The following APH1B variants were observed in gnomAD, a reference collection of about 807,000 sequenced individuals.
APH1B encodes the protein aph-1B gamma-secretase subunit.
APH1B carries 27 observed loss-of-function variants against 28.2 expected under a neutral mutation model. That is an observed-to-expected ratio of 0.96 (90% CI 0.70 to 1.32). The LOEUF (loss-of-function observed/expected upper bound fraction) is 1.32. APH1B is among the 40% of genes most tolerant of loss of function. The pLI, the probability that APH1B is intolerant of heterozygous loss-of-function variation, is 0.00. For synonymous variants in APH1B, 141 were observed against 124.6 expected (o/e 1.13, Z -0.88); for missense variants, 305 against 313.6 (o/e 0.97, Z 0.21).
intron 4 of APH1B, among the ~76,000 whole-genome samples, chr15:63,293,422 C>T (rs1284554511): frequency 5.3e-5 from 8 of 152,000 alleles, no homozygotes; most frequent in Admixed American, 1.3e-4. Flanking sequence ...CTGCCTCAGC[C>T]GCCCAGATTG....
chr15:63,287,681 G>A, intron 4 of APH1B, 135 bp downstream of exon 4: 1 of 1,175,736 alleles, frequency 8.5e-7, no homozygotes. Context: ...CTGAGGCACT[G>A]TGAAGTAAAA....
intron 2 of APH1B, among the ~76,000 whole-genome samples, chr15:63,280,687 A>G (rs1322758131): frequency 6.6e-6 from 1 of 152,268 alleles, no homozygotes; most frequent in Admixed American, 6.5e-5. Context: ...TAGTACCTGG[A>G]AATATTACAT....
intron 4 of APH1B, among the ~76,000 whole-genome samples, chr15:63,288,489 C>T (rs1159499529): frequency 1.3e-5 from 2 of 152,198 alleles, no homozygotes; most frequent in Non-Finnish European, 2.9e-5. Flanking sequence ...CTTGACATCT[C>T]CTCTCTGGCT....
At chr15:63,283,879 T>TG (rs2038416309) in intron 2 of APH1B, among the ~76,000 whole-genome samples, 1 of 152,226 alleles carries the variant, frequency 6.6e-6, no homozygotes, top group East Asian at 1.9e-4. Flanking sequence ...TGTAAGGTAA[T>TG]GGTCCACCTT....
At chr15:63,294,849 C>G (rs377018980) in intron 4 of APH1B, among the ~76,000 whole-genome samples, 1 of 152,162 alleles carries the variant, frequency 6.6e-6, no homozygotes, top group East Asian at 1.9e-4. Flanking sequence ...AGGCTTTCTC[C>G]CTACATTCAG....
intron 5 of APH1B, among the ~76,000 whole-genome samples, chr15:63,303,562 C>T (rs895613989): frequency 3.3e-5 from 5 of 152,212 alleles, no homozygotes; most frequent in African/African-American, 1.2e-4. Context: ...GTGGCACGAT[C>T]ACGGCTCATT....
chr15:63,295,206 A>G (rs565249657), intron 4 of APH1B, among the ~76,000 whole-genome samples: 32 of 152,358 alleles, frequency 2.1e-4, no homozygotes, highest in Admixed American at 3.3e-4. Flanking sequence ...AAACTATTCT[A>G]GGCTAGAGAC....
At chr15:63,285,300 G>A (rs1236308654) in intron 2 of APH1B, among the ~76,000 whole-genome samples, 1 of 152,152 alleles carries the variant, frequency 6.6e-6, no homozygotes, top group Non-Finnish European at 1.5e-5. Flanking sequence ...GTAACACAAT[G>A]CCCAGAAAGT....
Position 63,277,724 on chromosome 15 carries a change from T to C in APH1B, c.101T>C (p.Phe34Ser). The change falls in exon 1 of 6, where the codon TTC (phenylalanine) becomes TCC (serine). Residue 34 changes from phenylalanine to serine, a missense_variant. Physicochemically the swap from Phe to Ser is radical, Grantham distance 155. Coordinates refer to ENST00000261879, the MANE Select transcript of APH1B (RefSeq NM_031301.4). ...GCCACCGAGCCGTTGCGTATCATCT[T>C]CCTCATCGCCGGGTGAGGCGGTCGC... ...TIATEPLRII[F>S]LIAGAFFWLV... 6.2e-7 allele frequency: 1 copy of C among 1,610,802 alleles called. No individual in the cohort carries two copies. The highest frequency in any genetic ancestry group is 8.5e-7 in the Non-Finnish European group (1 of 1,178,554).
intron 4 of APH1B, among the ~76,000 whole-genome samples, chr15:63,295,254 G>A (rs564184576): frequency 4.6e-5 from 7 of 152,198 alleles, no homozygotes; most frequent in African/African-American, 1.7e-4. Context: ...AGTCAGTGAA[G>A]CATTAATAGA....
chr15:63,279,934 A>G (rs2038368149), intron 2 of APH1B, among the ~76,000 whole-genome samples: 1 of 151,668 alleles, frequency 6.6e-6, no homozygotes, highest in Non-Finnish European at 1.5e-5. Context: ...AGTAGCTGGG[A>G]TTACAGGTGT....
chr15:63,305,457 A>C (rs970038868), intron 5 of APH1B, among the ~76,000 whole-genome samples, 157 bp from the exon 6 acceptor site: 1 of 152,246 alleles, frequency 6.6e-6, no homozygotes, highest in African/African-American at 2.4e-5. Flanking sequence ...GCTTAGTTCT[A>C]CATGCCTCAG....
rs1033263298 is a variant in APH1B, at chr15:63,277,819, G to T, written c.113+83G>T. 63 of 1,362,800 alleles carry T rather than the reference G, an allele frequency of 4.6e-5. No homozygotes were observed. The Middle Eastern group carries it at 5.5e-4, about 12-fold the overall frequency. 84.4% of individuals were successfully genotyped at this position (1,362,800 alleles called of 1,614,324 possible). ...ACCCGCGACCCTCGGCGCCCCCACC[G>T]CGCGGCTCGACCTTGTTGCGTTTCA... On this transcript the variant is annotated intron_variant, in intron 1 of 5. Coordinates refer to ENST00000261879, the MANE Select transcript of APH1B (RefSeq NM_031301.4).
rs775792439 is a variant in APH1B at position 63,279,179 on chromosome 15, G to A, written c.132G>A (p.Val44=). ...FLIAGAFFWL[V]SLLISSLVWF... ...TTTTCAGAGCTTTCTTCTGGTTGGT[G>A]TCTCTACTGATTTCGTCCCTTGTTT... The change falls in exon 2 of 6, where the codon GTG becomes GTA. Residue 44 remains valine, a synonymous_variant. Transcript: ENST00000261879. 2 of 1,600,642 alleles carry A rather than the reference G, an allele frequency of 1.2e-6. No individual in the cohort carries two copies. The highest frequency in any genetic ancestry group is 1.1e-5 in the South Asian group (1 of 90,084).
chr15:63,303,861 CACACACACACACA>C (rs2038658580), intron 5 of APH1B, among the ~76,000 whole-genome samples: 1 of 99,840 alleles, frequency 1.0e-5, no homozygotes, highest in African/African-American at 3.5e-5. Context: ...GGTGAACACA[CACACACACACACA>C]ACACACACAC....
intron 2 of APH1B, among the ~76,000 whole-genome samples, chr15:63,280,332 C>G (rs930949449): frequency 1.3e-5 from 2 of 152,314 alleles, no homozygotes; most frequent in African/African-American, 4.8e-5. Flanking sequence ...AACCATATTT[C>G]CTTTCAGGCA....
At chr15:63,280,509 C>G (rs1381245159) in intron 2 of APH1B, among the ~76,000 whole-genome samples, 2 of 152,160 alleles carry the variant, frequency 1.3e-5, no homozygotes, top group Non-Finnish European at 2.9e-5. Flanking sequence ...TTAACTTGTT[C>G]TTGCCAATAT....
chr15:63,279,045 T>C (rs2038356459), intron 1 of APH1B, 116 bp from the exon 2 acceptor site: 2 of 852,664 alleles, frequency 2.3e-6, no homozygotes, highest in African/African-American at 3.4e-5. Flanking sequence ...CTTTTCCTTA[T>C]TGAAACGTCA....
chr15:63,301,707 G>A (rs762383572), intron 4 of APH1B, among the ~76,000 whole-genome samples: 31 of 151,044 alleles, frequency 2.1e-4, no homozygotes, highest in Non-Finnish European at 4.3e-4. Flanking sequence ...TGAGCCTCCC[G>A]AATAGTTGGG....
Sources: allele counts gnomAD v4.1 joint callset (sites outside exome capture counted in the v4.1 genomes callset), GRCh38; gene constraint gnomAD v4.1.1; transcripts MANE v1.5; gene names NCBI Gene and HGNC (gene_info 2026-07-23, HGNC 2026-07-21).